ZNF654: variants seen among roughly 807,000 people sequenced by gnomAD.
The protein encoded by ZNF654 is melanoma-associated antigen.
In ZNF654, 19 loss-of-function variants were observed where a neutral mutation model predicts 95.3. The ratio of observed to expected loss-of-function variants is 0.20; its 90% CI spans 0.14 to 0.29. The LOEUF is 0.29. Among genes scored for constraint, ZNF654 ranks in the 10% least tolerant of loss-of-function variants. The pLI, the probability that ZNF654 is intolerant of heterozygous loss-of-function variation, is 1.00. For synonymous variants in ZNF654, 413 were observed against 457.9 expected (o/e 0.90, Z 1.25); for missense variants, 1,046 against 1,341.0 (o/e 0.78, Z 3.44).
At chr3:88,103,727 C>T (rs918543084) in intron 2 of ZNF654, among the ~76,000 whole-genome samples, 1 of 147,342 alleles carries the variant, frequency 6.8e-6, no homozygotes, top group Non-Finnish European at 1.5e-5. Context: ...AATGAAGTGA[C>T]AACTTTAAAG....
chr3:88,124,651 G>T (rs1559726227), intron 3 of ZNF654, among the ~76,000 whole-genome samples: 1 of 151,980 alleles, frequency 6.6e-6, no homozygotes, highest in Non-Finnish European at 1.5e-5. Context: ...CTGAAAATAT[G>T]TTTTTTTAAA....
chr3:88,116,287 G>A (rs1254645905), intron 3 of ZNF654, among the ~76,000 whole-genome samples: 3 of 152,050 alleles, frequency 2.0e-5, no homozygotes, highest in Non-Finnish European at 4.4e-5. Context: ...TTGGGAGGCC[G>A]AGGCGGGCAG....
intron 2 of ZNF654, among the ~76,000 whole-genome samples, chr3:88,100,711 A>T (rs1704363569): frequency 1.3e-5 from 2 of 152,200 alleles, no homozygotes. Context: ...TCACAAGGAA[A>T]GAAAACCAAA....
chr3:88,095,400 A>T (rs1158597710), intron 2 of ZNF654: 5 of 330,802 alleles, frequency 1.5e-5, no homozygotes, highest in Admixed American at 9.0e-5. Context: ...GACAGGGATC[A>T]CCCCCTTTTA....
At chr3:88,069,188 G>A (rs1292314035) in intron 1 of ZNF654, among the ~76,000 whole-genome samples, 2 of 152,128 alleles carry the variant, frequency 1.3e-5, no homozygotes, top group Non-Finnish European at 2.9e-5. Context: ...TTGGGAGGCC[G>A]AGGCAGGTAG....
At chr3:88,080,351 TAAAAC>T (rs1708016535) in intron 1 of ZNF654, among the ~76,000 whole-genome samples, 1 of 152,148 alleles carries the variant, frequency 6.6e-6, no homozygotes, top group South Asian at 2.1e-4. Context: ...TTTCTTTTCT[TAAAAC>T]AAGGTGCACT....
chr3:88,076,965 T>C (rs565379632), intron 1 of ZNF654, among the ~76,000 whole-genome samples: 33 of 152,310 alleles, frequency 2.2e-4, no homozygotes, highest in African/African-American at 7.7e-4. Flanking sequence ...ACATTAACCT[T>C]GGCCAGGAGC....
chr3:88,084,543 G>A (rs1342165859), intron 1 of ZNF654, among the ~76,000 whole-genome samples: 3 of 152,138 alleles, frequency 2.0e-5, no homozygotes, highest in Non-Finnish European at 2.9e-5. Context: ...AGAGCCAGAC[G>A]AGATACAAGT....
intron 2 of ZNF654, among the ~76,000 whole-genome samples, chr3:88,107,426 A>G (rs1219636613): frequency 6.6e-6 from 1 of 152,058 alleles, no homozygotes; most frequent in Admixed American, 6.6e-5. Flanking sequence ...CTGTTTATCC[A>G]CTGCTCTTTA....
intron 2 of ZNF654, among the ~76,000 whole-genome samples, chr3:88,101,628 T>C (rs531604339): frequency 2.2e-4 from 34 of 152,280 alleles, no homozygotes; most frequent in African/African-American, 7.9e-4. Context: ...AGTTTTGGGC[T>C]ATAAACATTT....
intron 7 of ZNF654, 85 bp from the exon 8 acceptor site, chr3:88,138,620 T>G (rs1706945675): frequency 1.3e-6 from 1 of 785,298 alleles, no homozygotes; most frequent in African/African-American, 1.8e-5. Flanking sequence ...GCTTTCATTT[T>G]AAGAGTTGTG....
At chr3:88,080,631 C>T (rs1443325601) in intron 1 of ZNF654, among the ~76,000 whole-genome samples, 1 of 151,204 alleles carries the variant, frequency 6.6e-6, no homozygotes, top group Non-Finnish European at 1.5e-5. Context: ...CATTCTGCTG[C>T]CAATTTACCT....
chr3:88,140,242 T>A lies in ZNF654; in HGVS notation c.2573T>A (p.Leu858His). Residue 858 changes from leucine to histidine, a missense_variant, in exon 8 of 9, where the codon CTT becomes CAT. Coordinates refer to ENST00000636215, the MANE Select transcript of ZNF654 (RefSeq NM_001350134.2). ...FPECHELFED[L>H]PLLYEHEAQH... Reference sequence around the variant, plus strand: ...GAATGCCATGAGCTTTTTGAAGATCTTCCTCTGCTGTATGAACATGAAGCT... The same window carrying A: ...GAATGCCATGAGCTTTTTGAAGATCATCCTCTGCTGTATGAACATGAAGCT... 5 of 1,613,860 alleles carry A rather than the reference T, an allele frequency of 3.1e-6. No individual in the cohort carries two copies. Among genetic ancestry groups the A allele is most frequent in the Non-Finnish European group, 4.2e-6 (5 of 1,179,788 alleles).
intron 1 of ZNF654, among the ~76,000 whole-genome samples, chr3:88,065,275 T>C (rs1707130712): frequency 6.6e-6 from 1 of 150,648 alleles, no homozygotes; most frequent in South Asian, 2.1e-4. Context: ...GCTAAATCCT[T>C]TTTTTTTTGT....
At chr3:88,086,074 A>T (rs1396826938) in intron 1 of ZNF654, among the ~76,000 whole-genome samples, 183 bp from the exon 2 acceptor site, 2 of 152,228 alleles carry the variant, frequency 1.3e-5, no homozygotes, top group Admixed American at 1.3e-4. Context: ...TTCAAAGATA[A>T]TAATTGATTT....
chr3:88,065,675 AG>A lies in ZNF654; in HGVS notation c.186+6171del, dbSNP rs1283078176. On this transcript the variant is annotated intron_variant, in intron 1 of 8. Transcript: ENST00000636215. ...TACTTTATAATCAAAGAAAAAATAA[AG>A]TATATAAAATAAATTTCATTTTCTT... 2.6e-5 allele frequency among the ~76,000 whole-genome samples: 4 copies of A among 152,178 alleles called. No individual in the cohort carries two copies. In the South Asian group the frequency reaches 6.2e-4, roughly 24 times the overall value.
chr3:88,105,898 G>T (rs1241063075), intron 2 of ZNF654, among the ~76,000 whole-genome samples: 1 of 152,170 alleles, frequency 6.6e-6, no homozygotes, highest in Non-Finnish European at 1.5e-5. Flanking sequence ...GGCCATGAGG[G>T]CCTGCCCTCA....
Position 88,143,354 on chromosome 3 carries a change from A to C in ZNF654, c.*1702A>C, listed in dbSNP as rs1257623554. On this transcript the variant is annotated 3_prime_UTR_variant, in exon 9 of 9. Coordinates refer to ENST00000636215, the MANE Select transcript of ZNF654 (RefSeq NM_001350134.2). Reference sequence around the variant, plus strand: ...GCCTATATTAGGCTGTGGAATTTACATTTAGGTAACTAAACACAGCTCATA... The same window carrying C: ...GCCTATATTAGGCTGTGGAATTTACCTTTAGGTAACTAAACACAGCTCATA... 1.3e-5 allele frequency: 2 copies of C among 152,226 alleles called. No homozygotes were observed. The highest frequency in any genetic ancestry group is 2.4e-5 in the African/African-American group (1 of 41,410). 9.4% of individuals were successfully genotyped at this position (152,226 alleles called of 1,614,324 possible). A position where few individuals can be genotyped will look rare whatever the true frequency, so the allele number is the denominator to read the frequency against.
chr3:88,064,519 G>T (rs1220252882), intron 1 of ZNF654, among the ~76,000 whole-genome samples: 3 of 152,122 alleles, frequency 2.0e-5, no homozygotes, highest in African/African-American at 7.2e-5. Flanking sequence ...TTCTGACTCT[G>T]TTTTCACATC....
Sources: allele counts gnomAD v4.1 joint callset (sites outside exome capture counted in the v4.1 genomes callset), GRCh38; gene constraint gnomAD v4.1.1; transcripts MANE v1.5; gene names NCBI Gene and HGNC (gene_info 2026-07-23, HGNC 2026-07-21).